Variants in RIOK1 observed in about 807,000 individuals in gnomAD.
The protein encoded by RIOK1 is serine/threonine-protein kinase RIO1.
Under a neutral mutation model 73.5 loss-of-function variants are expected in RIOK1, and 66 were observed. That is an observed-to-expected ratio of 0.90 (90% CI 0.74 to 1.10). The LOEUF is 1.10. Ranked by LOEUF, RIOK1 falls within the 50% of genes least tolerant of loss-of-function variation. The pLI is 0.00. For synonymous variants in RIOK1, 224 were observed against 226.8 expected (o/e 0.99, Z 0.11); for missense variants, 658 against 699.8 (o/e 0.94, Z 0.67).
At chr6:7,392,992 A>G in intron 1 of RIOK1, 107 bp from the exon 2 acceptor site, 1 of 1,307,866 alleles carries the variant, frequency 7.6e-7, no homozygotes, top group Non-Finnish European at 1.0e-6. Context: ...TAAATATATA[A>G]TCTTTTAGAT....
At chr6:7,404,063 G>A in intron 9 of RIOK1, 36 bp downstream of exon 9, 2 of 1,382,702 alleles carry the variant, frequency 1.4e-6, no homozygotes, top group Non-Finnish European at 2.1e-6. Flanking sequence ...TGCATTCTCA[G>A]AACTGTATTT....
intron 4 of RIOK1, among the ~76,000 whole-genome samples, chr6:7,398,015 G>C (rs753842988): frequency 6.6e-6 from 1 of 152,136 alleles, no homozygotes; most frequent in East Asian, 1.9e-4. Flanking sequence ...GGCGGCGGGC[G>C]CCTGTAGTCC....
chr6:7,408,703 C>A (rs1426901149), intron 12 of RIOK1, among the ~76,000 whole-genome samples: 1 of 151,718 alleles, frequency 6.6e-6, no homozygotes, highest in African/African-American at 2.4e-5. Context: ...TTTAACTTAG[C>A]ACTGACTTTC....
chr6:7,410,256 C>T, intron 12 of RIOK1, 130 bp from the exon 13 acceptor site: 1 of 659,672 alleles, frequency 1.5e-6, no homozygotes, highest in Non-Finnish European at 2.7e-6. Flanking sequence ...TTAGACCTCA[C>T]TAAATGCTTT....
At chr6:7,400,314 T>C (rs1378892263) in intron 5 of RIOK1, among the ~76,000 whole-genome samples, 2 of 152,224 alleles carry the variant, frequency 1.3e-5, no homozygotes, top group Non-Finnish European at 2.9e-5. Flanking sequence ...AAACCCATTC[T>C]TAACTTGCAA....
chr6:7,408,731 T>C (rs138979609), intron 12 of RIOK1, among the ~76,000 whole-genome samples: 264 of 151,656 alleles, frequency 1.7e-3, no homozygotes, highest in Middle Eastern at 7.0e-3. Context: ...TTTTCTTTTT[T>C]TTTTTTTTAA....
intron 5 of RIOK1, among the ~76,000 whole-genome samples, chr6:7,400,272 A>AT (rs1306969361): frequency 1.3e-5 from 2 of 151,998 alleles, no homozygotes; most frequent in Admixed American, 6.6e-5. Context: ...GTTTCTGTTG[A>AT]TTTTTTTTCA....
chr6:7,405,777 GTTTTTTTTTTTTCCT>G (rs1434313795), intron 12 of RIOK1, among the ~76,000 whole-genome samples: 1 of 131,838 alleles, frequency 7.6e-6, no homozygotes, highest in East Asian at 2.2e-4. Flanking sequence ...AAAGCCAGGG[GTTTTTTTTTTTTCCT>G]TTTTTTTTTT....
In RIOK1 at chr6:7,390,332, T is replaced by C. The variant is rs115341358; in HGVS notation, c.71+259T>C. Reference sequence around the variant, plus strand: ...CGTCACTGGGAGGCAGAGTTGGGGATAGCGATTAGGAAACATGGGTTTTTG... The same window carrying C: ...CGTCACTGGGAGGCAGAGTTGGGGACAGCGATTAGGAAACATGGGTTTTTG... On this transcript the variant is annotated intron_variant, in intron 1 of 16. Coordinates refer to ENST00000379834, the MANE Select transcript of RIOK1 (RefSeq NM_031480.3). Among the ~76,000 whole-genome samples, 921 of 152,304 alleles carry C rather than the reference T, an allele frequency of 6.0e-3. 8 individuals carry two copies. Among genetic ancestry groups the C allele is most frequent in the African/African-American group, 0.02 (844 of 41,562 alleles).
At chr6:7,393,651 G>A (rs1761397826) in intron 2 of RIOK1, among the ~76,000 whole-genome samples, 1 of 152,206 alleles carries the variant, frequency 6.6e-6, no homozygotes, top group Non-Finnish European at 1.5e-5. Flanking sequence ...GATTAAATTT[G>A]TAGAGATGCC....
At chr6:7,412,410 T>G (rs1259864714) in intron 14 of RIOK1, among the ~76,000 whole-genome samples, 1 of 150,760 alleles carries the variant, frequency 6.6e-6, no homozygotes, top group African/African-American at 2.4e-5. Flanking sequence ...ATCTCAGCAC[T>G]TTGGGAGGCC....
At chr6:7,412,341 A>G (rs966508153) in intron 14 of RIOK1, among the ~76,000 whole-genome samples, 1 of 150,302 alleles carries the variant, frequency 6.7e-6, no homozygotes, top group African/African-American at 2.4e-5. Context: ...AGCCTAGGCT[A>G]CAGAGCGGAA....
intron 16 of RIOK1, among the ~76,000 whole-genome samples, chr6:7,414,974 T>C (rs1311279738): frequency 6.6e-6 from 1 of 152,204 alleles, no homozygotes; most frequent in East Asian, 1.9e-4. Context: ...CACCCGTTAG[T>C]CACTTAGTAG....
At chr6:7,401,705 T>A (rs1486694209) in intron 6 of RIOK1, among the ~76,000 whole-genome samples, 2 of 150,522 alleles carry the variant, frequency 1.3e-5, no homozygotes, top group Non-Finnish European at 3.0e-5. Flanking sequence ...TTTTTTTTTT[T>A]TTTGAGACAG....
intron 14 of RIOK1, 51 bp downstream of exon 14, chr6:7,411,502 G>A (rs2113527596): frequency 6.2e-7 from 1 of 1,606,894 alleles, no homozygotes; most frequent in Middle Eastern, 1.7e-4. Flanking sequence ...AGTAGTAGGG[G>A]ACTGTCCCAA....
At chr6:7,394,200 G>A (rs537623662) in intron 2 of RIOK1, among the ~76,000 whole-genome samples, 7 of 152,284 alleles carry the variant, frequency 4.6e-5, no homozygotes, top group African/African-American at 1.7e-4. Context: ...TTGGGAGGCC[G>A]AGCTGGGCGG....
At chr6:7,416,994 A>G (rs1762020953) in intron 16 of RIOK1, among the ~76,000 whole-genome samples, 1 of 152,214 alleles carries the variant, frequency 6.6e-6, no homozygotes, top group Non-Finnish European at 1.5e-5. Context: ...CTGTAATCTC[A>G]GCATTTTGGG....
At chr6:7,398,504 G>A (rs1761534774) in intron 4 of RIOK1, among the ~76,000 whole-genome samples, 194 bp from the exon 5 acceptor site, 1 of 152,122 alleles carries the variant, frequency 6.6e-6, no homozygotes. Flanking sequence ...CCAAAATACA[G>A]AATTGAATTT....
intron 5 of RIOK1, among the ~76,000 whole-genome samples, chr6:7,399,557 A>T (rs1761563148): frequency 6.6e-6 from 1 of 152,242 alleles, no homozygotes; most frequent in Non-Finnish European, 1.5e-5. Flanking sequence ...TTAATTTTGA[A>T]TGATAGAGTA....
Sources: allele counts gnomAD v4.1 joint callset (sites outside exome capture counted in the v4.1 genomes callset), GRCh38; gene constraint gnomAD v4.1.1; transcripts MANE v1.5; gene names NCBI Gene and HGNC (gene_info 2026-07-23, HGNC 2026-07-21).